MYBPC3: variants seen among roughly 807,000 people sequenced by gnomAD.
MYBPC3 encodes the protein myosin-binding protein C, cardiac-type.
MYBPC3 carries 108 observed loss-of-function variants against 159.3 expected under a neutral mutation model. The ratio of observed to expected loss-of-function variants is 0.68; its 90% confidence interval spans 0.58 to 0.80. The LOEUF (loss-of-function observed/expected upper bound fraction) is 0.80, where lower values mean the gene tolerates loss of function less well. Among genes scored for constraint, MYBPC3 ranks in the 30% least tolerant of loss-of-function variants. The pLI, the probability that MYBPC3 is intolerant of heterozygous loss-of-function variation, is 0.00. For synonymous variants in MYBPC3, 730 were observed against 702.0 expected, an observed-to-expected ratio of 1.04 and a Z score of -0.63; for missense variants, 1,631 against 1,762.1, an observed-to-expected ratio of 0.93 and a Z score of 1.33.
chr11:47,348,504 G>A lies in MYBPC3; in HGVS notation c.692C>T (p.Pro231Leu), dbSNP rs2095896843. The A allele has an allele frequency of 6.2e-7, 1 of 1,613,458 alleles. No individual in the cohort carries two copies. The change falls in exon 6 of 35, where the codon CCT (proline) becomes CTT (leucine). Residue 231 changes from proline (P) to leucine (L), a missense_variant. By Grantham distance (98) the Pro-to-Leu change is moderately conservative (BLOSUM62 -3). Coordinates refer to ENST00000545968, the MANE Select transcript of MYBPC3 (RefSeq NM_000256.3). Reference protein sequence around the residue: ...LFELHITDAQPAFTGSYRCEV... With the variant: ...LFELHITDAQLAFTGSYRCEV... ...ACAGCGGTAGCTGCCAGTGAAGGCA[G>A]GCTGGGCATCGGTGATGTGCAGCTC...
chr11:47,343,423 A>G, intron 13 of MYBPC3, 69 bp downstream of exon 13: 7 of 1,516,092 alleles, frequency 4.6e-6, no homozygotes, highest in Non-Finnish European at 6.2e-6. Flanking sequence ...GCATGTGGAG[A>G]GGGGCAGGAG....
Position 47,338,047 on chromosome 11 carries a change from C to T in MYBPC3, c.2309-253G>A, listed in dbSNP as rs766902071. 6.6e-6 allele frequency among the ~76,000 whole-genome samples: 1 copy of T among 150,958 alleles called. No homozygotes were observed. Among genetic ancestry groups the T allele is most frequent in the African/African-American group, 2.4e-5 (1 of 40,946 alleles). On this transcript the variant is annotated intron_variant, in intron 23 of 34. Coordinates refer to ENST00000545968, the MANE Select transcript of MYBPC3 (RefSeq NM_000256.3). This position sits in a 1 kb window ranked among gnomAD's most constrained non-coding sequence, Gnocchi z 4.7. ...ATTTCTGATCATGTCGCCAGCCCTCCGTCAACCCTTTAAGGCTTCTCACTG... is the reference window on the plus strand; with the variant it reads ...ATTTCTGATCATGTCGCCAGCCCTCTGTCAACCCTTTAAGGCTTCTCACTG...
In MYBPC3 at chr11:47,346,532, TG is replaced by T; in HGVS notation, c.926+94del. The T allele has an allele frequency of 1.3e-6, 2 of 1,488,026 alleles. No individual in the cohort carries two copies. The highest frequency in any genetic ancestry group is 9.0e-7 in the Non-Finnish European group (1 of 1,107,204). The allele number at this position is 1,488,026 out of a possible 1,614,324, so 92.2% of individuals were successfully genotyped here. A position where few individuals can be genotyped will look rare whatever the true frequency, so the allele number is the denominator to read the frequency against. On this transcript the variant is annotated intron_variant, in intron 11 of 34. Coordinates refer to ENST00000545968, the MANE Select transcript of MYBPC3 (RefSeq NM_000256.3). The surrounding 1 kb of genome is among the most constrained non-coding windows in gnomAD (Gnocchi z 5.3). ...CTCTGGGTCCCAGGCCAGGCAGGAC[TG>T]GGGGCCAAGGGAGCTGAAGAGGGGC...
In MYBPC3 at chr11:47,332,762, T is replaced by C; in HGVS notation, c.3490+52A>G. On this transcript the variant is annotated intron_variant, in intron 31 of 34. Coordinates refer to ENST00000545968, the MANE Select transcript of MYBPC3 (RefSeq NM_000256.3). This position sits in a 1 kb window ranked among gnomAD's most constrained non-coding sequence, Gnocchi z 4.2. ...CACAAAGCTAGGCCCCTCTCCCTGT[T>C]CCCACAGCCTCCCTGCCCCAGCCCC... is the stretch of plus-strand genomic sequence containing the variant. 1 of 1,583,232 alleles carries C rather than the reference T, an allele frequency of 6.3e-7. No individual in the cohort carries two copies. The highest frequency in any genetic ancestry group is 8.6e-7 in the Non-Finnish European group (1 of 1,163,754).
In MYBPC3 at chr11:47,340,460, C is replaced by T. The variant is rs139793736; in HGVS notation, c.1927+543G>A. Among the ~76,000 whole-genome samples, 1,469 of 152,192 alleles carry T rather than the reference C, an allele frequency of 9.7e-3. 28 individuals are homozygous for T. Among genetic ancestry groups the T allele is most frequent in the African/African-American group, 0.034 (1,407 of 41,510 alleles). ...CAGGCAGATCATGAGATCAGGAGAT[C>T]GAAACCATCCTGGCTAACATGGTGA... On this transcript the variant is annotated intron_variant, in intron 20 of 34. Coordinates refer to ENST00000545968, the MANE Select transcript of MYBPC3 (RefSeq NM_000256.3).
At position 47,333,219 on chromosome 11, in the gene MYBPC3, A is replaced by G. The variant is rs730880590; in HGVS notation, c.3305T>C (p.Val1102Ala). ...VGNTELWGYT[V>A]QKADKKTMEW... Reference sequence around the variant, plus strand: ...CATGGTCTTCTTGTCGGCTTTCTGCACTGTGTACCCCCAGAGCTCCGTGTT... The same window carrying G: ...CATGGTCTTCTTGTCGGCTTTCTGCGCTGTGTACCCCCAGAGCTCCGTGTT... Residue 1102 changes from valine (V) to alanine (A), a missense_variant, in exon 30 of 35, where the codon GTG becomes GCG. Coordinates refer to ENST00000545968, the MANE Select transcript of MYBPC3 (RefSeq NM_000256.3). The G allele has an allele frequency of 6.3e-7, 1 of 1,599,892 alleles. No homozygotes were observed. The highest frequency in any genetic ancestry group is 8.5e-7 in the Non-Finnish European group (1 of 1,173,096).
chr11:47,331,863 C>T lies in MYBPC3; in HGVS notation c.*8G>A. On this transcript the variant is annotated 3_prime_UTR_variant, in exon 34 of 35. Transcript: ENST00000545968. ...TACATACCTGGCCATCCCCAGGAGC[C>T]AGCCTGGTCACTGAGGCACTGCAGA... 6.2e-7 allele frequency: 1 copy of T among 1,609,414 alleles called. No individual in the cohort carries two copies.
chr11:47,343,282 G>A lies in MYBPC3; in HGVS notation c.1224-20C>T, dbSNP rs745971530. On this transcript the variant is annotated intron_variant, in intron 13 of 34. Coordinates refer to ENST00000545968, the MANE Select transcript of MYBPC3 (RefSeq NM_000256.3). The stretch of plus-strand genomic sequence containing the variant: ...TACTTGCTGTAGAACAGAAGGGGCC[G>A]TTGAAGTGTTCCCGACGGGAGGAAG... The A allele has an allele frequency of 5.2e-6, 8 of 1,549,244 alleles. No homozygotes were observed. Among genetic ancestry groups the A allele is most frequent in the Admixed American group, 1.8e-5 (1 of 54,618 alleles).
At chr11:47,350,908 G>A (rs2095900086) in intron 2 of MYBPC3, among the ~76,000 whole-genome samples, 1 of 152,114 alleles carries the variant, frequency 6.6e-6, no homozygotes, top group Admixed American at 6.5e-5. Context: ...CCCTCAGACT[G>A]GGCTGCACTC....
At chr11:47,345,142 T>C (rs1471330300) in intron 12 of MYBPC3, among the ~76,000 whole-genome samples, 1 of 152,188 alleles carries the variant, frequency 6.6e-6, no homozygotes, top group Non-Finnish European at 1.5e-5. Flanking sequence ...ACCCCTACCC[T>C]CGGAGGTCCC....
In MYBPC3 at chr11:47,342,832, T is replaced by A; in HGVS notation, c.1455A>T (p.Lys485Asn). The change falls in exon 16 of 35, where the codon AAA becomes AAT. Residue 485 changes from lysine to asparagine, a missense_variant and splice_region_variant. Transcript: ENST00000545968. ...TGCCCCGTGCTTCTGGAACTCACCATTTGACTTGCGCCCCCTCCTCCGATA... is the reference window on the plus strand; with the variant it reads ...TGCCCCGTGCTTCTGGAACTCACCAATTGACTTGCGCCCCCTCCTCCGATA... ...CEVSEEGAQVKWLKDGVELTR... is the reference protein window; with the variant it reads ...CEVSEEGAQVNWLKDGVELTR... The A allele has an allele frequency of 1.2e-6, 2 of 1,612,588 alleles. No homozygotes were observed. The highest frequency in any genetic ancestry group is 1.7e-6 in the Non-Finnish European group (2 of 1,179,080).
intron 30 of MYBPC3, 42 bp from the exon 31 acceptor site, chr11:47,333,015 C>T: frequency 6.3e-7 from 1 of 1,581,944 alleles, no homozygotes; most frequent in Non-Finnish European, 8.6e-7. Flanking sequence ...GGGCCAGGCC[C>T]TTCCTGATGC....
chr11:47,338,767 C>T lies in MYBPC3; in HGVS notation c.2149-88G>A. 7.0e-7 allele frequency: 1 copy of T among 1,429,384 alleles called. No individual in the cohort carries two copies. The highest frequency in any genetic ancestry group is 9.3e-7 in the Non-Finnish European group (1 of 1,072,612). 88.5% of individuals were successfully genotyped at this position (1,429,384 alleles called of 1,614,324 possible). A position where few individuals can be genotyped will look rare whatever the true frequency, so the allele number is the denominator to read the frequency against. ...CCAACAGCCAGATGTCCCGGGGGTC[C>T]ATGGGGGGAACACAGCCTGTGGGAA... On this transcript the variant is annotated intron_variant, in intron 22 of 34. Transcript: ENST00000545968. The surrounding 1 kb of genome is among the most constrained non-coding windows in gnomAD (Gnocchi z 4.7).
At position 47,332,971 on chromosome 11, in the gene MYBPC3, C is replaced by G. The variant is rs1026643094; in HGVS notation, c.3333G>C (p.Glu1111Asp). Residue 1111 changes from glutamate (E) to aspartate (D), a missense_variant and splice_region_variant, in exon 31 of 35, where the codon GAG becomes GAC. Transcript: ENST00000545968. The surrounding 1 kb of genome is among the most constrained non-coding windows in gnomAD (Gnocchi z 4.2). ...GGTAATGCTCCAAGACGGTGAACCA[C>G]TCCTGGGGGCAGGGAGGGAGGGGAG... is the stretch of plus-strand genomic sequence containing the variant. ...TVQKADKKTM[E>D]WFTVLEHYRR... 6.2e-7 allele frequency: 1 copy of G among 1,608,590 alleles called. No homozygotes were observed. The highest frequency in any genetic ancestry group is 1.7e-5 in the Admixed American group (1 of 59,404).
At position 47,350,428 on chromosome 11, in the gene MYBPC3, G is replaced by A. The variant is rs1205763348; in HGVS notation, c.406+74C>T. 7 of 1,525,222 alleles carry A rather than the reference G, an allele frequency of 4.6e-6. No homozygotes were observed. The African/African-American group carries it at 8.4e-5, about 18-fold the overall frequency. 94.5% of individuals were successfully genotyped at this position (1,525,222 alleles called of 1,614,324 possible). ...GGCCTGAGCCACCGCACCTGGCCCA[G>A]CAAAGGCTTTTGAGACCTGCCCTGG... On this transcript the variant is annotated intron_variant, in intron 3 of 34. Coordinates refer to ENST00000545968, the MANE Select transcript of MYBPC3 (RefSeq NM_000256.3).
Position 47,333,555 on chromosome 11 carries a change from A to C in MYBPC3, c.3190+2T>G, listed in dbSNP as rs113358486. 3 of 1,599,948 alleles carry C rather than the reference A, an allele frequency of 1.9e-6. No individual in the cohort carries two copies. The highest frequency in any genetic ancestry group is 2.5e-6 in the Non-Finnish European group (3 of 1,179,754). ...GGGCTCAAGGAGGCCTTGGCCACGC[A>C]CCAACAACCTGCAGCACCAGCGTGG... On this transcript the variant is annotated splice_donor_variant, in intron 29 of 34. Coordinates refer to ENST00000545968, the MANE Select transcript of MYBPC3 (RefSeq NM_000256.3). LOFTEE classifies it high-confidence loss of function.
At position 47,339,807 on chromosome 11, in the gene MYBPC3, G is replaced by A; in HGVS notation, c.1928-17C>T. The stretch of plus-strand genomic sequence containing the variant: ...TGGGAGGTTCTGCAGAAGACACAAT[G>A]TAGTTCAGAGAAACGGGAGAGCCAG... On this transcript the variant is annotated splice_polypyrimidine_tract_variant and intron_variant, in intron 20 of 34. Coordinates refer to ENST00000545968, the MANE Select transcript of MYBPC3 (RefSeq NM_000256.3). 6 of 1,607,402 alleles carry A rather than the reference G, an allele frequency of 3.7e-6. No homozygotes were observed. Among genetic ancestry groups the A allele is most frequent in the Non-Finnish European group, 4.3e-6 (5 of 1,174,466 alleles).
chr11:47,332,279 G>C lies in MYBPC3; in HGVS notation c.3628-21C>G, dbSNP rs1047687250. The C allele has an allele frequency of 6.2e-7, 1 of 1,606,898 alleles. No homozygotes were observed. Among genetic ancestry groups the C allele is most frequent in the Non-Finnish European group, 8.5e-7 (1 of 1,179,258 alleles). ...TTGGGCTATAAATAAGGTAAAGAGA[G>C]GGAGGGAAGCCATCCAGGCTGAGAG... On this transcript the variant is annotated intron_variant, in intron 32 of 34. Coordinates refer to ENST00000545968, the MANE Select transcript of MYBPC3 (RefSeq NM_000256.3). The surrounding 1 kb of genome is among the most constrained non-coding windows in gnomAD (Gnocchi z 4.2).
Position 47,332,271 on chromosome 11 carries a change from TAAAG to T in MYBPC3, c.3628-17_3628-14del, listed in dbSNP as rs1397090654. ...AGGAAATCTTGGGCTATAAATAAGG[TAAAG>T]AGAGGGAGGGAAGCCATCCAGGCTG... On this transcript the variant is annotated splice_polypyrimidine_tract_variant and intron_variant, in intron 32 of 34. Transcript: ENST00000545968. This position sits in a 1 kb window ranked among gnomAD's most constrained non-coding sequence, Gnocchi z 4.2. The T allele has an allele frequency of 1.2e-6, 2 of 1,612,686 alleles. No homozygotes were observed. Among genetic ancestry groups the T allele is most frequent in the South Asian group, 1.1e-5 (1 of 90,986 alleles).
Sources: allele counts gnomAD v4.1 joint callset (sites outside exome capture counted in the v4.1 genomes callset), GRCh38; gene constraint gnomAD v4.1.1; non-coding constraint Gnocchi (gnomAD v3.1); transcripts MANE v1.5; gene names NCBI Gene and HGNC (gene_info 2026-07-23, HGNC 2026-07-21).